The following ADAD2 variants were observed in gnomAD, a reference collection of about 807,000 sequenced individuals.
ADAD2 encodes the protein adenosine deaminase domain-containing protein 2.
A neutral mutation model predicts 54.5 loss-of-function variants in ADAD2; 60 were observed. The ratio of observed to expected loss-of-function variants is 1.10; its 90% CI spans 0.89 to 1.36. The LOEUF (loss-of-function observed/expected upper bound fraction) is 1.36, where lower values mean the gene tolerates loss of function less well. Among genes scored for constraint, ADAD2 ranks in the 40% most tolerant of loss-of-function variants. The pLI is 0.00. For synonymous variants in ADAD2, 543 were observed against 366.2 expected, an observed-to-expected ratio of 1.48 and a Z score of -5.51; for missense variants, 1,103 against 801.3, an observed-to-expected ratio of 1.38 and a Z score of -4.54.
intron 2 of ADAD2, 136 bp from the exon 3 acceptor site, chr16:84,194,797 G>A (rs1002608782): frequency 4.7e-6 from 6 of 1,272,608 alleles, no homozygotes; most frequent in Non-Finnish European, 6.5e-6. Flanking sequence ...CGGGGGTAGG[G>A]ACCGCTAGAA....
At chr16:84,194,811 C>T in intron 2 of ADAD2, 122 bp from the exon 3 acceptor site, 1 of 1,287,608 alleles carries the variant, frequency 7.8e-7, no homozygotes, top group Non-Finnish European at 1.1e-6. Flanking sequence ...GCTAGAAGAG[C>T]AGCTCGTGTA....
intron 6 of ADAD2, 38 bp downstream of exon 6, chr16:84,195,735 C>T (rs1176311264): frequency 1.3e-6 from 2 of 1,531,556 alleles, no homozygotes; most frequent in South Asian, 1.3e-5. Flanking sequence ...GGATGGGGCT[C>T]CCTCGGTTGG....
At chr16:84,191,845 G>A (rs1336087335) in intron 1 of ADAD2, 197 bp downstream of exon 1, 2 of 772,548 alleles carry the variant, frequency 2.6e-6, no homozygotes, top group Non-Finnish European at 4.4e-6. Flanking sequence ...AGGATCACCA[G>A]CCACACCAGA....
At chr16:84,194,658 C>T (rs549065608) in intron 2 of ADAD2, 76 bp downstream of exon 2, 15 of 1,549,574 alleles carry the variant, frequency 9.7e-6, no homozygotes, top group Middle Eastern at 1.7e-4. Flanking sequence ...CGTGGGGAGG[C>T]GGAAGTGGCT....
Position 84,195,897 on chromosome 16 carries a change from G to A in ADAD2, c.1135G>A (p.Val379Met). 6.2e-7 allele frequency: 1 copy of A among 1,602,328 alleles called. No homozygotes were observed. Among genetic ancestry groups the A allele is most frequent in the Non-Finnish European group, 8.5e-7 (1 of 1,179,610 alleles). The change falls in exon 7 of 10, where the codon GTG becomes ATG. Residue 379 changes from valine (V) to methionine (M), a missense_variant. Val to Met is a conservative substitution (Grantham distance 21). Coordinates refer to ENST00000315906, the MANE Select transcript of ADAD2 (RefSeq NM_001145400.2). The part of the protein sequence containing the change: ...QAHVLGQLKP[V>M]CYVAPSLCDT... ...CCATGTGCTCGGGCAGCTGAAGCCT[G>A]TGTGCTACGTGGCGCCCTCGCTCTG...
At chr16:84,194,718 G>C in intron 2 of ADAD2, 136 bp downstream of exon 2, 1 of 1,444,296 alleles carries the variant, frequency 6.9e-7, no homozygotes, top group Non-Finnish European at 9.4e-7. Flanking sequence ...TGAGCATCAG[G>C]ACGTCACCTG....
intron 8 of ADAD2, 60 bp downstream of exon 8, chr16:84,196,430 A>C (rs1046168862): frequency 9.6e-6 from 15 of 1,569,504 alleles, no homozygotes; most frequent in Middle Eastern, 1.8e-4. Context: ...GGGCTCATGC[A>C]TGAGCTTCCT....
chr16:84,194,787 C>T (rs535436433), intron 2 of ADAD2, 146 bp from the exon 3 acceptor site: 32 of 1,262,748 alleles, frequency 2.5e-5, no homozygotes, highest in African/African-American at 1.0e-4. Context: ...CTGGGGACAC[C>T]GGGGGTAGGG....
chr16:84,195,701 T>C lies in ADAD2; in HGVS notation c.1052+4T>C, dbSNP rs2089719510. On this transcript the variant is annotated splice_donor_region_variant and intron_variant, in intron 6 of 9. Transcript: ENST00000315906. ...AGGGCGCGGCCCGTGACATCTAGTA[T>C]GCAGGGCCCCCGGGGCAGGCGGGGG... The C allele has an allele frequency of 3.2e-6, 5 of 1,540,542 alleles. No individual in the cohort carries two copies. Among genetic ancestry groups the C allele is most frequent in the Non-Finnish European group, 4.4e-6 (5 of 1,145,610 alleles).
Position 84,196,756 on chromosome 16 carries a change from G to C in ADAD2, c.1636G>C (p.Glu546Gln), listed in dbSNP as rs914904996. The C allele has an allele frequency of 6.8e-6, 11 of 1,611,492 alleles. No homozygotes were observed. In the African/African-American group the frequency reaches 1.2e-4, roughly 18 times the overall value. Residue 546 changes from glutamate (E) to glutamine (Q), a missense_variant, in exon 9 of 10, where the codon GAG (glutamate) becomes CAG (glutamine). Glu to Gln is a conservative substitution (Grantham distance 29, BLOSUM62 2). Coordinates refer to ENST00000315906, the MANE Select transcript of ADAD2 (RefSeq NM_001145400.2). ...CTACCTCCTGGCCTTGAAGACCTAC[G>C]AGGCTGCCAAGGTTGGTTCCCCACC... ...KPYLLALKTY[E>Q]AAKAGPYQEA...
Position 84,195,597 on chromosome 16 carries a change from GC to G in ADAD2, c.958del (p.Gln320SerfsTer57), listed in dbSNP as rs1267616764. ...GPKGKEQSVL[A>X]PQPGPGPPFT... is the part of the protein sequence containing the mutation. ...CAAGGGCAAGGAGCAGTCCGTGCTGGCCCCCCAGCCAGGGCCCGGACCCCCA... is the reference window on the plus strand; with the variant it reads ...CAAGGGCAAGGAGCAGTCCGTGCTGGCCCCCAGCCAGGGCCCGGACCCCCA... On this transcript the variant is annotated frameshift_variant, in exon 6 of 10. Transcript: ENST00000315906. LOFTEE classifies it high-confidence loss of function. 5 of 1,603,938 alleles carry G rather than the reference GC, an allele frequency of 3.1e-6. No homozygotes were observed. The highest frequency in any genetic ancestry group is 1.7e-5 in the Admixed American group (1 of 58,328).
In ADAD2 at chr16:84,197,063, T is replaced by C; in HGVS notation, c.*89T>C. The stretch of plus-strand genomic sequence containing the variant: ...TCTGAGGAGCGTTGTGGGGAGAACA[T>C]GGGTTGTGCGGGGTGAAACTGGGGC... On this transcript the variant is annotated 3_prime_UTR_variant, in exon 10 of 10. Transcript: ENST00000315906. 7.4e-7 allele frequency: 1 copy of C among 1,358,706 alleles called. No homozygotes were observed. Among genetic ancestry groups the C allele is most frequent in the Non-Finnish European group, 1.0e-6 (1 of 984,320 alleles). The allele number at this position is 1,358,706 out of a possible 1,614,324, so 84.2% of individuals were successfully genotyped here.
rs2089714565 is a variant in ADAD2 at position 84,195,393 on chromosome 16, C to G, written c.831C>G (p.Gly277=). ...GTGCTGGCTGGCTGGAGTTCTCGGG[C>G]CAGCAGCTCCACGACTGCCATGGCC... ...SCCAGWLEFS[G]QQLHDCHGLV... is the part of the protein sequence containing the mutation. The change falls in exon 5 of 10, where the codon GGC becomes GGG. Residue 277 remains glycine, a synonymous_variant. Transcript: ENST00000315906. 2 of 1,608,778 alleles carry G rather than the reference C, an allele frequency of 1.2e-6. No homozygotes were observed. Among genetic ancestry groups the G allele is most frequent in the East Asian group, 2.2e-5 (1 of 44,786 alleles).
rs1215109692 is a variant in ADAD2, at chr16:84,193,664, T to G, written c.419-778T>G. 1.4e-5 allele frequency: 3 copies of G among 207,542 alleles called. No individual in the cohort carries two copies. In the Admixed American group the frequency reaches 1.6e-4, roughly 11 times the overall value. The allele number at this position is 207,542 out of a possible 1,614,324, so 12.9% of individuals were successfully genotyped here. ...ATCCTGTCCCTATAACATTGTCACT[T>G]GTGGTTTTAGAAAATCATGCTTTGA... On this transcript the variant is annotated intron_variant, in intron 1 of 9. Coordinates refer to ENST00000315906, the MANE Select transcript of ADAD2 (RefSeq NM_001145400.2).
In ADAD2 at chr16:84,197,073, G is replaced by A. The variant is rs1052387693; in HGVS notation, c.*99G>A. On this transcript the variant is annotated 3_prime_UTR_variant, in exon 10 of 10. Coordinates refer to ENST00000315906, the MANE Select transcript of ADAD2 (RefSeq NM_001145400.2). ...GTTGTGGGGAGAACATGGGTTGTGCGGGGTGAAACTGGGGCTGGAGGGAAG... is the reference window on the plus strand; with the variant it reads ...GTTGTGGGGAGAACATGGGTTGTGCAGGGTGAAACTGGGGCTGGAGGGAAG... 6.1e-5 allele frequency: 76 copies of A among 1,253,538 alleles called. No individual in the cohort carries two copies. Among genetic ancestry groups the A allele is most frequent in the Admixed American group, 9.2e-5 (4 of 43,614 alleles). 77.7% of individuals were successfully genotyped at this position (1,253,538 alleles called of 1,614,324 possible).
At chr16:84,192,388 TATC>T (rs1445546981) in intron 1 of ADAD2, among the ~76,000 whole-genome samples, 1 of 152,218 alleles carries the variant, frequency 6.6e-6, no homozygotes, top group Admixed American at 6.5e-5. Context: ...GGGCTCCAGC[TATC>T]TGACCTCCTG....
Position 84,195,552 on chromosome 16 carries a change from C to T in ADAD2, c.907C>T (p.Leu303=). The T allele has an allele frequency of 6.3e-7, 1 of 1,597,972 alleles. No individual in the cohort carries two copies. Among genetic ancestry groups the T allele is most frequent in the Non-Finnish European group, 8.5e-7 (1 of 1,171,764 alleles). The part of the protein sequence containing the change: ...LLRFLFRQLL[L]ATQGGPKGKE... ...TAGGTTCTTGTTCCGGCAGCTCCTG[C>T]TGGCCACACAGGGGGGCCCCAAGGG... The change falls in exon 6 of 10, where the codon CTG becomes TTG. Residue 303 remains leucine (L), a synonymous_variant. Coordinates refer to ENST00000315906, the MANE Select transcript of ADAD2 (RefSeq NM_001145400.2).
At chr16:84,195,269 G>A (rs766604698) in intron 4 of ADAD2, 27 bp from the exon 5 acceptor site, 2 of 1,611,926 alleles carry the variant, frequency 1.2e-6, no homozygotes, top group Non-Finnish European at 1.7e-6. Flanking sequence ...GCCTTAGGCT[G>A]GGCCGTCTCT....
rs756244977 is a variant in ADAD2 at position 84,194,494 on chromosome 16, T to A, written c.471T>A (p.Pro157=). ...VSAELDGVVC[P]AGTANSKTEA... is the part of the protein sequence containing the mutation. The stretch of plus-strand genomic sequence containing the variant: ...CGGAACTGGATGGGGTGGTCTGCCC[T>A]GCGGGCACTGCGAATAGCAAGACGG... The change falls in exon 2 of 10, where the codon CCT becomes CCA. Residue 157 remains proline (P), a synonymous_variant. Transcript: ENST00000315906. 3 of 1,611,850 alleles carry A rather than the reference T, an allele frequency of 1.9e-6. No homozygotes were observed. In the South Asian group the frequency reaches 3.3e-5, roughly 18 times the overall value.
Sources: gnomAD v4.1 joint callset for allele counts (sites outside exome capture counted in the v4.1 genomes callset) on GRCh38, gnomAD v4.1.1 for gene constraint, MANE v1.5 for transcripts, NCBI Gene and HGNC (gene_info 2026-07-23, HGNC 2026-07-21) for gene names.